Variants in NKAIN3 observed in about 807,000 individuals in gnomAD.
NKAIN3 encodes sodium/potassium transporting ATPase interacting 3.
In NKAIN3, 25 loss-of-function variants were observed where a neutral mutation model predicts 30.2. That is an observed-to-expected ratio of 0.83 (90% CI 0.60 to 1.16). NKAIN3 has a LOEUF of 1.16. NKAIN3 is among the 50% of genes most tolerant of loss of function. The pLI, the probability that NKAIN3 is intolerant of heterozygous loss-of-function variation, is 0.00. For synonymous variants in NKAIN3, 91 were observed against 89.6 expected (o/e 1.02, Z -0.09); for missense variants, 225 against 254.1 (o/e 0.89, Z 0.78).
intron 6 of NKAIN3, among the ~76,000 whole-genome samples, chr8:62,956,091 T>C (rs1372326216): frequency 2.0e-5 from 3 of 152,218 alleles, no homozygotes; most frequent in Admixed American, 2.0e-4. Context: ...TCAGTATCTG[T>C]ACTCTTCACC....
At chr8:62,262,816 A>G (rs763482341) in intron 1 of NKAIN3, among the ~76,000 whole-genome samples, 18 of 152,192 alleles carry the variant, frequency 1.2e-4, no homozygotes, top group Non-Finnish European at 2.6e-4. Flanking sequence ...TTGGTCATCT[A>G]TTATTAATAT....
At chr8:62,355,526 C>T (rs188328694) in intron 1 of NKAIN3, among the ~76,000 whole-genome samples, 17 of 152,284 alleles carry the variant, frequency 1.1e-4, no homozygotes, top group African/African-American at 4.1e-4. Flanking sequence ...CAAGGTAACT[C>T]AGCATCACAG....
At chr8:62,793,630 A>G (rs2130677545) in intron 4 of NKAIN3, among the ~76,000 whole-genome samples, 1 of 152,228 alleles carries the variant, frequency 6.6e-6, no homozygotes, top group South Asian at 2.1e-4. Context: ...AGGAGGGTGG[A>G]TGGGACCACT....
Position 62,812,845 on chromosome 8 carries a change from C to T in NKAIN3, c.471+65716C>T, listed in dbSNP as rs114037043. 1.1e-3 allele frequency among the ~76,000 whole-genome samples: 172 copies of T among 151,894 alleles called. 1 individual carries two copies. Among genetic ancestry groups the T allele is most frequent in the African/African-American group, 3.8e-3 (159 of 41,512 alleles). ...GTTATTGTTTCTTAGAGTTTTTGTT[C>T]TACCTGCTTTAAACACACACACTAA... On this transcript the variant is annotated intron_variant, in intron 4 of 6. Transcript: ENST00000623646.
intron 1 of NKAIN3, among the ~76,000 whole-genome samples, chr8:62,354,107 A>G (rs912424148): frequency 6.6e-6 from 1 of 152,222 alleles, no homozygotes; most frequent in Non-Finnish European, 1.5e-5. Context: ...AGACACCATG[A>G]ATATCTCAAA....
intron 1 of NKAIN3, among the ~76,000 whole-genome samples, chr8:62,354,070 A>C (rs1816269808): frequency 6.6e-6 from 1 of 152,222 alleles, no homozygotes; most frequent in Non-Finnish European, 1.5e-5. Flanking sequence ...AATGGAAAGC[A>C]TACAGGTTAT....
intron 3 of NKAIN3, among the ~76,000 whole-genome samples, chr8:62,618,914 C>T (rs1165794381): frequency 1.3e-5 from 2 of 151,014 alleles, no homozygotes; most frequent in African/African-American, 4.9e-5. Context: ...TCAAAAAAAA[C>T]AAAAGAAAAG....
At chr8:62,862,467 T>C (rs1820280396) in intron 4 of NKAIN3, among the ~76,000 whole-genome samples, 1 of 152,098 alleles carries the variant, frequency 6.6e-6, no homozygotes, top group South Asian at 2.1e-4. Context: ...GAGCATCATA[T>C]ATTTAAAAAC....
chr8:62,872,015 C>T (rs1820660661), intron 4 of NKAIN3, among the ~76,000 whole-genome samples: 1 of 152,152 alleles, frequency 6.6e-6, no homozygotes, highest in South Asian at 2.1e-4. Context: ...TATTATACTG[C>T]TATATTTTAC....
chr8:62,836,531 T>C (rs1196637139), intron 4 of NKAIN3, among the ~76,000 whole-genome samples: 1 of 152,182 alleles, frequency 6.6e-6, no homozygotes, highest in Non-Finnish European at 1.5e-5. Context: ...AATTTCATAA[T>C]GTCAGTCTGA....
At chr8:62,629,076 T>A (rs550676383) in intron 3 of NKAIN3, among the ~76,000 whole-genome samples, 4 of 152,254 alleles carry the variant, frequency 2.6e-5, no homozygotes, top group Non-Finnish European at 4.4e-5. Context: ...GCTACCTAAT[T>A]AATGTAAGAC....
At chr8:62,744,970 A>C (rs1292536177) in intron 3 of NKAIN3, among the ~76,000 whole-genome samples, 1 of 152,230 alleles carries the variant, frequency 6.6e-6, no homozygotes, top group African/African-American at 2.4e-5. Flanking sequence ...CCTTGAATTG[A>C]AGAAAATCGA....
chr8:62,399,827 A>C (rs1020407842), intron 1 of NKAIN3, among the ~76,000 whole-genome samples: 6 of 152,222 alleles, frequency 3.9e-5, no homozygotes, highest in Non-Finnish European at 7.3e-5. Flanking sequence ...GAGAGTCATT[A>C]TCAAAACATC....
At chr8:62,582,126 C>T (rs1361781436) in intron 2 of NKAIN3, among the ~76,000 whole-genome samples, 4 of 86,750 alleles carry the variant, frequency 4.6e-5, no homozygotes, top group Non-Finnish European at 1.1e-4. Context: ...CTTTTTCCTT[C>T]CTTCCTTTCT....
chr8:62,866,000 A>T (rs747067011), intron 4 of NKAIN3, among the ~76,000 whole-genome samples: 1 of 152,158 alleles, frequency 6.6e-6, no homozygotes, highest in African/African-American at 2.4e-5. Context: ...ATCATTCTCT[A>T]TGTGGCACTT....
chr8:62,938,679 C>T (rs575160441), intron 5 of NKAIN3, among the ~76,000 whole-genome samples: 3 of 152,242 alleles, frequency 2.0e-5, no homozygotes, highest in South Asian at 4.1e-4. Context: ...TCTTAGGAAG[C>T]CCCACCCCTA....
In NKAIN3 at chr8:62,460,989, A is replaced by G. The variant is rs189517709; in HGVS notation, c.55-118550A>G. Among the ~76,000 whole-genome samples the G allele has an allele frequency of 1.1e-3, 173 of 152,328 alleles. 2 individuals carry two copies. The highest frequency in any genetic ancestry group is 5.3e-4 in the Non-Finnish European group (36 of 68,026). ...TATTTCTGAGAACCTAGAAGGACAT[A>G]CACAGGTATAAGGCTGAGTACCTGT... On this transcript the variant is annotated intron_variant, in intron 1 of 6. Transcript: ENST00000623646.
chr8:62,832,656 A>G (rs1819234337), intron 4 of NKAIN3, among the ~76,000 whole-genome samples: 1 of 148,398 alleles, frequency 6.7e-6, no homozygotes, highest in African/African-American at 2.6e-5. Context: ...TCCTAAATAT[A>G]TATGCACCCA....
intron 4 of NKAIN3, among the ~76,000 whole-genome samples, chr8:62,884,607 G>T (rs1334350721): frequency 1.3e-5 from 2 of 152,172 alleles, no homozygotes; most frequent in African/African-American, 2.4e-5. Context: ...ATTCACCAGT[G>T]AACCCATTTG....
Sources: allele counts gnomAD v4.1 joint callset (sites outside exome capture counted in the v4.1 genomes callset), GRCh38; gene constraint gnomAD v4.1.1; transcripts MANE v1.5; gene names NCBI Gene and HGNC (gene_info 2026-07-23, HGNC 2026-07-21).